Variants in NRXN3 observed in about 807,000 individuals in gnomAD.
NRXN3 encodes the protein neurexin III.
In NRXN3, 32 loss-of-function variants were observed where a neutral mutation model predicts 137.6. The ratio of observed to expected loss-of-function variants is 0.23; its 90% CI spans 0.18 to 0.31. NRXN3 has a LOEUF of 0.31. Among genes scored for constraint, NRXN3 ranks in the 10% least tolerant of loss-of-function variants. The pLI is 1.00. For missense variants in NRXN3, 1,574 were observed against 2,062.5 expected, an observed-to-expected ratio of 0.76 and a Z score of 4.59; for synonymous variants, 798 against 784.5, an observed-to-expected ratio of 1.02 and a Z score of -0.29.
At chr14:79,081,531 T>A (rs928862641) in intron 15 of NRXN3, among the ~76,000 whole-genome samples, 1 of 151,380 alleles carries the variant, frequency 6.6e-6, no homozygotes, top group Non-Finnish European at 1.5e-5. Context: ...GAGGAATCAC[T>A]TAAACCCTGC....
At chr14:79,350,138 G>A (rs1295978034) in intron 15 of NRXN3, among the ~76,000 whole-genome samples, 2 of 152,138 alleles carry the variant, frequency 1.3e-5, no homozygotes, top group African/African-American at 2.4e-5. Flanking sequence ...TTCATGGAAC[G>A]TCAGAATGTG....
At chr14:78,881,900 C>A (rs1373102086) in intron 10 of NRXN3, among the ~76,000 whole-genome samples, 2 of 151,572 alleles carry the variant, frequency 1.3e-5, no homozygotes. Context: ...ACAGTCCCTC[C>A]CATCACAAAC....
intron 15 of NRXN3, among the ~76,000 whole-genome samples, chr14:79,042,929 G>T (rs1453812270): frequency 2.1e-4 from 32 of 151,110 alleles, no homozygotes; most frequent in Admixed American, 2.1e-3. Context: ...AATTATCACT[G>T]CAGTAGAATG....
At chr14:79,174,979 C>CTTTT (rs5809926) in intron 15 of NRXN3, among the ~76,000 whole-genome samples, 1 of 124,960 alleles carries the variant, frequency 8.0e-6, no homozygotes, top group African/African-American at 2.9e-5. Context: ...TTCAGATTTC[C>CTTTT]TTTTTTTTTT....
chr14:78,899,500 A>G lies in NRXN3; in HGVS notation c.2276-57742A>G, dbSNP rs1296092098. 2.0e-5 allele frequency among the ~76,000 whole-genome samples: 3 copies of G among 152,012 alleles called. No individual in the cohort carries two copies. In the East Asian group the frequency reaches 5.8e-4, roughly 29 times the overall value. On this transcript the variant is annotated intron_variant, in intron 10 of 20. Coordinates refer to ENST00000335750, the MANE Select transcript of NRXN3 (RefSeq NM_001330195.2). ...TTGTTGTTTTGTGTGTATGGTTGCC[A>G]GGGATGATCAGTGCCCCAATATTCT...
At chr14:78,462,507 C>G (rs914221660) in intron 4 of NRXN3, among the ~76,000 whole-genome samples, 3 of 152,144 alleles carry the variant, frequency 2.0e-5, no homozygotes, top group Non-Finnish European at 4.4e-5. Flanking sequence ...AAGACCTTCT[C>G]TCTTCCCCTG....
At chr14:79,360,843 T>C (rs1271872174) in intron 15 of NRXN3, among the ~76,000 whole-genome samples, 1 of 152,222 alleles carries the variant, frequency 6.6e-6, no homozygotes, top group Non-Finnish European at 1.5e-5. Context: ...AGTGTCCTCA[T>C]TTATAAAATG....
chr14:78,504,816 T>C (rs1021451282), intron 4 of NRXN3, among the ~76,000 whole-genome samples: 4 of 152,130 alleles, frequency 2.6e-5, no homozygotes, highest in Middle Eastern at 3.2e-3. Flanking sequence ...ATAGTCCTCA[T>C]AGAAATTTAG....
At position 78,906,314 on chromosome 14, in the gene NRXN3, G is replaced by T. The variant is rs897569497; in HGVS notation, c.2276-50928G>T. On this transcript the variant is annotated intron_variant, in intron 10 of 20. Transcript: ENST00000335750. ...TACACTGTGCCCTGCACTCCAACTA[G>T]ACTGAATGAACTACCACTACTTTCT... Among the ~76,000 whole-genome samples the T allele has an allele frequency of 3.4e-4, 52 of 151,956 alleles. 1 individual carries two copies. Among genetic ancestry groups the T allele is most frequent in the Admixed American group, 3.9e-4 (6 of 15,226 alleles).
intron 4 of NRXN3, among the ~76,000 whole-genome samples, chr14:78,312,243 G>A (rs1247103464): frequency 6.6e-6 from 1 of 152,138 alleles, no homozygotes; most frequent in Admixed American, 6.6e-5. Context: ...TACAACTCCA[G>A]CTTTCAAAGT....
chr14:78,874,944 A>G (rs2099110355), intron 10 of NRXN3, among the ~76,000 whole-genome samples: 1 of 152,174 alleles, frequency 6.6e-6, no homozygotes, highest in Admixed American at 6.5e-5. Flanking sequence ...CATCAATTAA[A>G]CTGTGGGACG....
chr14:79,486,293 A>G (rs936527229), intron 16 of NRXN3, among the ~76,000 whole-genome samples: 6 of 152,190 alleles, frequency 3.9e-5, no homozygotes, highest in African/African-American at 1.4e-4. Flanking sequence ...TACTAGAAAA[A>G]AATTAACTCT....
At chr14:78,708,462 C>T (rs906062295) in intron 6 of NRXN3, 4 of 152,102 alleles carry the variant, frequency 2.6e-5, no homozygotes, top group Non-Finnish European at 5.9e-5. Flanking sequence ...ACCTCTGTCC[C>T]CACCAGCTTT....
rs929171324 is a variant in NRXN3, at chr14:79,220,386, A to G, written c.3262+232245A>G. Among the ~76,000 whole-genome samples the G allele has an allele frequency of 1.2e-4, 18 of 152,180 alleles. No homozygotes were observed. In the East Asian group the frequency reaches 1.9e-3, roughly 16 times the overall value. ...ACCTCTTCCTATGCCATCACACATG[A>G]TAGCTTCCCCCATCAGGAGCATTCC... On this transcript the variant is annotated intron_variant, in intron 15 of 20. Coordinates refer to ENST00000335750, the MANE Select transcript of NRXN3 (RefSeq NM_001330195.2).
chr14:78,807,734 C>CAAAAAAAAAAAAAAAAAAAAAAAAAAAAA (rs144921592), intron 9 of NRXN3, among the ~76,000 whole-genome samples: 1 of 111,726 alleles, frequency 9.0e-6, no homozygotes, highest in African/African-American at 3.2e-5. Flanking sequence ...GATTCTGTCT[C>CAAAAAAAAAAAAAAAAAAAAAAAAAAAAA]AAAAAAAAAA....
At chr14:79,069,562 A>C (rs2099684913) in intron 15 of NRXN3, among the ~76,000 whole-genome samples, 4 of 9,270 alleles carry the variant, frequency 4.3e-4, no homozygotes, top group African/African-American at 7.5e-4. Flanking sequence ...TTGAAATTTT[A>C]TAAAAAAAAA....
intron 17 of NRXN3, among the ~76,000 whole-genome samples, chr14:79,664,517 G>T (rs759466856): frequency 3.3e-5 from 5 of 152,108 alleles, no homozygotes; most frequent in African/African-American, 4.8e-5. Context: ...GATATTCAAA[G>T]GTTGGTCCTA....
intron 4 of NRXN3, among the ~76,000 whole-genome samples, chr14:78,517,028 A>G (rs899463322): frequency 6.6e-5 from 10 of 152,142 alleles, no homozygotes; most frequent in East Asian, 1.9e-4. Flanking sequence ...GTTAAATTCT[A>G]TGGAGTACAG....
rs1186160673 is a variant in NRXN3, at chr14:79,662,404, T to C, written c.3445-1374T>C. 2.0e-5 allele frequency among the ~76,000 whole-genome samples: 3 copies of C among 152,162 alleles called. No individual in the cohort carries two copies. In the East Asian group the frequency reaches 5.8e-4, roughly 29 times the overall value. ...AAGGTTACATTTATTTCATGTCTCA[T>C]TGTGACTACTAGTTCCAACTTTTAG... On this transcript the variant is annotated intron_variant, in intron 16 of 20. Transcript: ENST00000335750.
Sources: gnomAD v4.1 joint callset for allele counts (sites outside exome capture counted in the v4.1 genomes callset) on GRCh38, gnomAD v4.1.1 for gene constraint, MANE v1.5 for transcripts, NCBI Gene and HGNC (gene_info 2026-07-23, HGNC 2026-07-21) for gene names.